Variants in VSIG1 observed in about 807,000 individuals in gnomAD.
The protein encoded by VSIG1 is V-set and immunoglobulin domain-containing protein 1.
In VSIG1, 11 loss-of-function variants were observed where a neutral mutation model predicts 20.1. The observed-to-expected ratio is 0.55, with a 90% confidence interval of 0.34 to 0.91. The LOEUF (loss-of-function observed/expected upper bound fraction) is 0.91, where lower values mean the gene tolerates loss of function less well. VSIG1 is among the 40% of genes least tolerant of loss of function. The pLI is 0.02. For synonymous variants in VSIG1, 126 were observed against 116.7 expected (o/e 1.08, Z -0.52); for missense variants, 283 against 298.8 (o/e 0.95, Z 0.39).
chrX:108,061,492 C>T (rs768992380), intron 2 of VSIG1: 34 of 1,164,922 alleles, frequency 2.9e-5, no homozygotes, highest in South Asian at 1.3e-4. Context: ...CTAAAAATGA[C>T]GCACGCAAGA....
upstream of VSIG1, among the ~76,000 whole-genome samples, chrX:108,042,395 C>T (rs922297802): frequency 1.3e-4 from 14 of 111,983 alleles, no homozygotes; most frequent in African/African-American, 4.2e-4. Flanking sequence ...GCCTAGTAAT[C>T]CCCTGTGGGT....
chrX:108,066,062 G>C (rs950882796), intron 2 of VSIG1, among the ~76,000 whole-genome samples: 1 of 111,379 alleles, frequency 9.0e-6, no homozygotes, highest in Non-Finnish European at 1.9e-5. Flanking sequence ...ACCACATCAT[G>C]CTGCTCCCAC....
At chrX:108,032,793 T>C in the VSIG1 span, among the ~76,000 whole-genome samples, 1 of 111,154 alleles carries the variant, frequency 9.0e-6, no homozygotes, top group African/African-American at 3.3e-5. Context: ...GGAGATAAGG[T>C]CATAGAGGCA....
intron 1 of VSIG1, among the ~76,000 whole-genome samples, chrX:108,049,706 G>T (rs2030744185): frequency 8.9e-6 from 1 of 111,955 alleles, no homozygotes; most frequent in African/African-American, 3.3e-5. Flanking sequence ...TAGGGAATAA[G>T]TCTGGGAACT....
the VSIG1 span, among the ~76,000 whole-genome samples, chrX:108,024,753 T>G: frequency 9.0e-6 from 1 of 111,129 alleles, no homozygotes; most frequent in Non-Finnish European, 1.9e-5. Flanking sequence ...TAGTTGTGAA[T>G]TTTCCAAATT....
chrX:108,051,135 C>T (rs1423888046), intron 1 of VSIG1, among the ~76,000 whole-genome samples: 1 of 111,010 alleles, frequency 9.0e-6, no homozygotes, highest in African/African-American at 3.3e-5. Flanking sequence ...TGCCTTCTCC[C>T]CAGGCCTGAG....
Position 108,058,195 on chromosome X carries a change from A to AC in VSIG1, c.207_208insC (p.Ile70HisfsTer18). The AC allele has an allele frequency of 8.3e-7, 1 of 1,203,983 alleles. No individual in the cohort carries two copies. The highest frequency in any genetic ancestry group is 1.1e-6 in the Non-Finnish European group (1 of 891,942). On this transcript the variant is annotated frameshift_variant, in exon 2 of 7. Coordinates refer to ENST00000217957, the MANE Select transcript of VSIG1 (RefSeq NM_182607.5). LOFTEE classifies it high-confidence loss of function. The stretch of plus-strand genomic sequence containing the variant: ...TCTTCCATAAGAAGGAGATGGAGCC[A>AC]ATTTCTGTAAGGACACTTTTTCCTA...
chrX:108,040,310 A>G (rs1434659375), upstream of VSIG1, among the ~76,000 whole-genome samples: 1 of 111,721 alleles, frequency 9.0e-6, no homozygotes, highest in Non-Finnish European at 1.9e-5. Flanking sequence ...TAAAGCAACA[A>G]CACAATACCA....
chrX:108,063,229 A>G (rs2031063226), intron 2 of VSIG1, among the ~76,000 whole-genome samples: 1 of 111,544 alleles, frequency 9.0e-6, no homozygotes, highest in Admixed American at 9.5e-5. Context: ...TGGAGCAGGG[A>G]ATGGAATGGT....
At chrX:108,032,327 C>T in the VSIG1 span, among the ~76,000 whole-genome samples, 2 of 111,806 alleles carry the variant, frequency 1.8e-5, no homozygotes, top group Admixed American at 1.9e-4. Flanking sequence ...AAACATGCAC[C>T]GCTTCTGTAT....
Position 108,047,845 on chromosome X carries a change from C to CATATATATACACAT in VSIG1, c.49+2675_49+2676insCACATATATATATA, listed in dbSNP as rs1569287096. On this transcript the variant is annotated intron_variant, in intron 1 of 6. Coordinates refer to ENST00000217957, the MANE Select transcript of VSIG1 (RefSeq NM_182607.5). ...ACATATATATACACATATATATATA[C>CATATATATACACAT]ATATATATATACACATATATATATA... Among the ~76,000 whole-genome samples, 54 of 27,076 alleles carry CATATATATACACAT rather than the reference C, an allele frequency of 2.0e-3. 2 individuals carry two copies. The highest frequency in any genetic ancestry group is 2.7e-3 in the South Asian group (2 of 734). 23.5% of individuals were successfully genotyped at this position (27,076 alleles called of 115,157 possible).
intron 1 of VSIG1, among the ~76,000 whole-genome samples, chrX:108,055,082 A>C: frequency 9.0e-6 from 1 of 111,118 alleles, no homozygotes; most frequent in Middle Eastern, 4.7e-3. Flanking sequence ...TAATAAAAAG[A>C]GTTAAGACCC....
At chrX:108,040,027 T>C (rs2030455191), upstream of VSIG1, among the ~76,000 whole-genome samples, 2 of 110,807 alleles carry the variant, frequency 1.8e-5, no homozygotes, top group South Asian at 3.8e-4. Flanking sequence ...AAGAAAAAAA[T>C]TGATAGATTA....
At chrX:108,041,314 G>A (rs1005199444), upstream of VSIG1, among the ~76,000 whole-genome samples, 18 of 110,710 alleles carry the variant, frequency 1.6e-4, no homozygotes, top group Non-Finnish European at 2.5e-4. Flanking sequence ...TTGAACCATT[G>A]TCAATAATAT....
At chrX:108,026,229 T>C in the VSIG1 span, among the ~76,000 whole-genome samples, 1 of 112,023 alleles carries the variant, frequency 8.9e-6, no homozygotes, top group Non-Finnish European at 1.9e-5. Context: ...AGTATCTTTT[T>C]TCAGAGTCTG....
rs2031372992 is a variant in VSIG1, at chrX:108,077,358, G to A, written c.1141G>A (p.Glu381Lys). The A allele has an allele frequency of 1.5e-5, 18 of 1,210,264 alleles. No homozygotes were observed. The highest frequency in any genetic ancestry group is 1.9e-5 in the Non-Finnish European group (17 of 895,241). Residue 381 changes from glutamate to lysine, a missense_variant, in exon 7 of 7, where the codon GAA becomes AAA. Physicochemically the swap from Glu to Lys is moderately conservative, Grantham distance 56. Transcript: ENST00000217957. ...GVVVEPLSED[E>K]KGVVKA ...TGTAGTTGAGCCCTTAAGTGAAGAT[G>A]AAAAGGGAGTGGTTAAGGCATAGGC...
At chrX:108,030,205 G>T in the VSIG1 span, among the ~76,000 whole-genome samples, 211 of 111,869 alleles carry the variant, frequency 1.9e-3, 2 homozygotes, top group East Asian at 0.055. Context: ...GAAAGGTGAA[G>T]GGCCTGGTCC....
intron 2 of VSIG1, among the ~76,000 whole-genome samples, chrX:108,058,914 A>G (rs1366764792): frequency 9.2e-6 from 1 of 109,078 alleles, no homozygotes; most frequent in Non-Finnish European, 1.9e-5. Flanking sequence ...TTCAAATTGT[A>G]TACTCAAAGG....
upstream of VSIG1, among the ~76,000 whole-genome samples, chrX:108,044,560 A>T (rs780144323): frequency 8.9e-6 from 1 of 111,869 alleles, no homozygotes; most frequent in African/African-American, 3.3e-5. Flanking sequence ...AGTGTTTCAA[A>T]AAAGAGTAAC....
Sources: gnomAD v4.1 joint callset for allele counts (sites outside exome capture counted in the v4.1 genomes callset) on GRCh38, gnomAD v4.1.1 for gene constraint, MANE v1.5 for transcripts, NCBI Gene and HGNC (gene_info 2026-07-23, HGNC 2026-07-21) for gene names.